Variants in MMEL1 observed in about 807,000 individuals in gnomAD.
MMEL1 encodes membrane metalloendopeptidase like 1, also known as membrane metallo-endopeptidase-like 1.
MMEL1 carries 98 observed loss-of-function variants against 117.1 expected under a neutral mutation model. The ratio of observed to expected loss-of-function variants is 0.84; its 90% CI spans 0.71 to 0.99. The LOEUF (loss-of-function observed/expected upper bound fraction) is 0.99. Among genes scored for constraint, MMEL1 ranks in the 50% least tolerant of loss-of-function variants. The pLI, the probability that MMEL1 is intolerant of heterozygous loss-of-function variation, is 0.00. For synonymous variants in MMEL1, 390 were observed against 415.1 expected (o/e 0.94, Z 0.74); for missense variants, 1,014 against 1,049.1 (o/e 0.97, Z 0.46).
intron 1 of MMEL1, among the ~76,000 whole-genome samples, chr1:2,631,395 C>A (rs1380161142): frequency 6.6e-6 from 1 of 152,008 alleles, no homozygotes; most frequent in African/African-American, 2.4e-5. Flanking sequence ...CCCTGTACCC[C>A]ACCGCCCCCC....
Position 2,592,129 on chromosome 1 carries a change from TG to T in MMEL1, c.2068-103del. ...GAGGTCTGGCTCCAGGACCTACCCC[TG>T]TGGGGGTCCTGCTGCTGCAAGGGCC... On this transcript the variant is annotated intron_variant, in intron 21 of 23. Coordinates refer to ENST00000378412, the MANE Select transcript of MMEL1 (RefSeq NM_033467.4). 3 of 913,274 alleles carry T rather than the reference TG, an allele frequency of 3.3e-6. No homozygotes were observed. The South Asian group carries it at 4.7e-5, about 14-fold the overall frequency. The allele number at this position is 913,274 out of a possible 1,614,324, so 56.6% of individuals were successfully genotyped here. A position where few individuals can be genotyped will look rare whatever the true frequency, so the allele number is the denominator to read the frequency against.
At chr1:2,614,039 C>T (rs1015078214) in intron 2 of MMEL1, among the ~76,000 whole-genome samples, 38 of 151,958 alleles carry the variant, frequency 2.5e-4, no homozygotes, top group African/African-American at 8.9e-4. Context: ...GTTTTGGGGG[C>T]AAAAAATGAC....
At chr1:2,607,790 C>T (rs140020211) in intron 6 of MMEL1, among the ~76,000 whole-genome samples, 2,090 of 152,054 alleles carry the variant, frequency 0.014, 22 homozygotes, top group Admixed American at 0.024. Context: ...GTGGCGGGCT[C>T]ACTAGAGGCC....
rs1171113905 is a variant in MMEL1 at position 2,609,660 on chromosome 1, G to A, written c.454+10C>T. On this transcript the variant is annotated intron_variant, in intron 5 of 23. Transcript: ENST00000378412. ...GTCACCCCACTGCACCCCCGGCCGT[G>A]CTCTGCCACCTTTGAGGATGACCTC... is the stretch of plus-strand genomic sequence containing the variant. 1.9e-6 allele frequency: 3 copies of A among 1,603,000 alleles called. No individual in the cohort carries two copies. Among genetic ancestry groups the A allele is most frequent in the East Asian group, 2.2e-5 (1 of 44,828 alleles).
chr1:2,631,811 G>T (rs12749591), intron 1 of MMEL1, among the ~76,000 whole-genome samples: 82,373 of 151,930 alleles, frequency 0.54, 24,046 homozygotes, highest in Non-Finnish European at 0.66. Flanking sequence ...CAGCCTCCAA[G>T]CCCATCTCAG....
At chr1:2,596,746 C>A in intron 13 of MMEL1, 57 bp from the exon 14 acceptor site, 1 of 1,599,760 alleles carries the variant, frequency 6.3e-7, no homozygotes, top group South Asian at 1.1e-5. Context: ...CCAGGCCTGG[C>A]GTGGGGCCCT....
intron 2 of MMEL1, among the ~76,000 whole-genome samples, chr1:2,617,320 G>A (rs1012667031): frequency 4.6e-5 from 7 of 151,706 alleles, no homozygotes; most frequent in Non-Finnish European, 8.8e-5. Flanking sequence ...CCAGCTACTC[G>A]GGAGGCTGAG....
chr1:2,608,637 A>C (rs1240022786), intron 6 of MMEL1, among the ~76,000 whole-genome samples: 1 of 151,952 alleles, frequency 6.6e-6, no homozygotes, highest in Non-Finnish European at 1.5e-5. Context: ...TGCACACACA[A>C]CATACACATA....
At chr1:2,605,661 C>G in intron 8 of MMEL1, 38 bp from the exon 9 acceptor site, 3 of 1,563,258 alleles carry the variant, frequency 1.9e-6, no homozygotes, top group Non-Finnish European at 2.6e-6. Flanking sequence ...GCAAGGGGCC[C>G]GGGGTCCCCG....
intron 14 of MMEL1, 60 bp from the exon 15 acceptor site, chr1:2,596,167 C>T (rs1644836045): frequency 1.3e-6 from 2 of 1,496,846 alleles, no homozygotes; most frequent in Non-Finnish European, 1.9e-6. Flanking sequence ...TGACCAGCCT[C>T]AAGGGCTTTG....
At chr1:2,604,120 G>GCGGCCCCC in intron 10 of MMEL1, 27 bp downstream of exon 10, 11 of 1,330,060 alleles carry the variant, frequency 8.3e-6, no homozygotes, top group South Asian at 1.2e-5. Context: ...CTCGCTGCCC[G>GCGGCCCCC]CTCCCCACCC....
Position 2,606,996 on chromosome 1 carries a change from C to G in MMEL1, c.609G>C (p.Met203Ile). The G allele has an allele frequency of 1.9e-6, 3 of 1,613,238 alleles. No homozygotes were observed. In the South Asian group the frequency reaches 3.3e-5, roughly 18 times the overall value. Residue 203 changes from methionine to isoleucine, a missense_variant, in exon 7 of 24, where the codon ATG (methionine) becomes ATC (isoleucine). Transcript: ENST00000378412. ...TACCTACGGTCTCGTTCCACCTGTC[C>G]ATCGCCACCGGCCAGCCTCCCACCA... Reference protein sequence around the residue: ...LEVVGGWPVAMDRWNETVGLE... With the variant: ...LEVVGGWPVAIDRWNETVGLE...
At position 2,603,819 on chromosome 1, in the gene MMEL1, C is replaced by G; in HGVS notation, c.1041+65G>C. ...CAGGCAACGTGCCCTCTCAGAGGGC[C>G]GCTTCCATGTCCCCCACGAGTCTCC... is the stretch of plus-strand genomic sequence containing the variant. On this transcript the variant is annotated intron_variant, in intron 11 of 23. Coordinates refer to ENST00000378412, the MANE Select transcript of MMEL1 (RefSeq NM_033467.4). The G allele has an allele frequency of 4.1e-6, 6 of 1,472,724 alleles. No homozygotes were observed. In the South Asian group the frequency reaches 4.7e-5, roughly 11 times the overall value. The allele number at this position is 1,472,724 out of a possible 1,614,324, so 91.2% of individuals were successfully genotyped here. A position where few individuals can be genotyped will look rare whatever the true frequency, so the allele number is the denominator to read the frequency against.
chr1:2,595,897 C>T lies in MMEL1; in HGVS notation c.1500+112G>A, dbSNP rs1348587917. ...CCTTCTCCCCGTGGGGTCCTGTCTGCGCCTCCCGGGGCTGCCTTCTCCCCG... is the reference window on the plus strand; with the variant it reads ...CCTTCTCCCCGTGGGGTCCTGTCTGTGCCTCCCGGGGCTGCCTTCTCCCCG... On this transcript the variant is annotated intron_variant, in intron 15 of 23. Coordinates refer to ENST00000378412, the MANE Select transcript of MMEL1 (RefSeq NM_033467.4). The surrounding 1 kb of genome is among the most constrained non-coding windows in gnomAD (Gnocchi z 4.8). 14 of 823,576 alleles carry T rather than the reference C, an allele frequency of 1.7e-5. No individual in the cohort carries two copies. Among genetic ancestry groups the T allele is most frequent in the Admixed American group, 1.1e-4 (5 of 47,458 alleles). The allele number at this position is 823,576 out of a possible 1,614,324, so 51.0% of individuals were successfully genotyped here.
At chr1:2,606,470 A>G in intron 7 of MMEL1, 104 bp from the exon 8 acceptor site, 1 of 798,348 alleles carries the variant, frequency 1.3e-6, no homozygotes, top group East Asian at 2.7e-5. Flanking sequence ...AGGGGGCCAT[A>G]GGGTGGGGAG....
At position 2,627,239 on chromosome 1, in the gene MMEL1, G is replaced by A. The variant is rs903748575; in HGVS notation, c.154+2092C>T. On this transcript the variant is annotated intron_variant, in intron 2 of 23. Coordinates refer to ENST00000378412, the MANE Select transcript of MMEL1 (RefSeq NM_033467.4). ...TTTTATAATTCATACCTAAATTTGC[G>A]TTCACATAGTAATATCGCCTTAAAT... Among the ~76,000 whole-genome samples, 8 of 152,274 alleles carry A rather than the reference G, an allele frequency of 5.3e-5. No homozygotes were observed. In the South Asian group the frequency reaches 6.2e-4, roughly 12 times the overall value.
At chr1:2,613,681 G>A (rs920251492) in intron 2 of MMEL1, among the ~76,000 whole-genome samples, 35 of 152,032 alleles carry the variant, frequency 2.3e-4, no homozygotes, top group African/African-American at 7.7e-4. Flanking sequence ...GCATGAGGAG[G>A]GGCACATGCG....
At chr1:2,629,291 C>T (rs766641680) in intron 2 of MMEL1, 40 bp downstream of exon 2, 3 of 1,508,194 alleles carry the variant, frequency 2.0e-6, no homozygotes, top group Non-Finnish European at 2.7e-6. Context: ...GCGCGGAGAG[C>T]GGGCACGGGG....
chr1:2,630,607 ATGTG>A (rs747435379), intron 1 of MMEL1, among the ~76,000 whole-genome samples: 1 of 139,252 alleles, frequency 7.2e-6, no homozygotes, highest in Non-Finnish European at 1.5e-5. Flanking sequence ...TCGTGTGTGC[ATGTG>A]TGTGACTGCA....
Sources: allele counts gnomAD v4.1 joint callset (sites outside exome capture counted in the v4.1 genomes callset), GRCh38; gene constraint gnomAD v4.1.1; non-coding constraint Gnocchi (gnomAD v3.1); transcripts MANE v1.5; gene names NCBI Gene and HGNC (gene_info 2026-07-23, HGNC 2026-07-21).